Variants in CREM observed in about 807,000 individuals in gnomAD.
CREM encodes cAMP responsive element modulator.
In CREM, 13 loss-of-function variants were observed where a neutral mutation model predicts 37.3. The ratio of observed to expected loss-of-function variants is 0.35; its 90% CI spans 0.23 to 0.55. CREM has a LOEUF of 0.55. CREM is among the 20% of genes least tolerant of loss of function. The pLI, the probability that CREM is intolerant of heterozygous loss-of-function variation, is 0.88. For missense variants in CREM, 296 were observed against 362.3 expected (o/e 0.82, Z 1.49); for synonymous variants, 124 against 120.2 (o/e 1.03, Z -0.21).
chr10:35,128,968 T>A (rs2088742974), intron 1 of CREM, among the ~76,000 whole-genome samples: 1 of 152,238 alleles, frequency 6.6e-6, no homozygotes, highest in African/African-American at 2.4e-5. Context: ...AAATGCTAAG[T>A]ATTAAAACTG....
rs778868664 is a variant in CREM at position 35,211,812 on chromosome 10, A to G, written c.*414A>G. ...CCAAAACAGATTACTAGAAATATTT[A>G]ACTATGAACTGAAGGCAGCATGTAT... On this transcript the variant is annotated 3_prime_UTR_variant, in exon 8 of 8. Coordinates refer to ENST00000685392, the MANE Select transcript of CREM (RefSeq NM_183011.2). The G allele has an allele frequency of 3.3e-5, 53 of 1,598,346 alleles. No homozygotes were observed. The Admixed American group carries it at 5.8e-4, about 18-fold the overall frequency.
chr10:35,150,653 C>T (rs1339365277), intron 3 of CREM, among the ~76,000 whole-genome samples: 1 of 152,078 alleles, frequency 6.6e-6, no homozygotes, highest in Non-Finnish European at 1.5e-5. Context: ...GAAACCCTGT[C>T]TCTACTAAAA....
At chr10:35,181,397 T>C (rs1419242405) in intron 5 of CREM, among the ~76,000 whole-genome samples, 1 of 152,164 alleles carries the variant, frequency 6.6e-6, no homozygotes, top group Non-Finnish European at 1.5e-5. Flanking sequence ...AGGTGTACCA[T>C]TGTCTCATTC....
intron 3 of CREM, chr10:35,175,973 C>T: frequency 6.4e-7 from 1 of 1,551,236 alleles, no homozygotes. Flanking sequence ...ATGGGTTATT[C>T]AGTCATCAGA....
At chr10:35,211,135 T>C (rs1009886077) in intron 7 of CREM, 119 bp from the exon 8 acceptor site, 1 of 1,014,374 alleles carries the variant, frequency 9.9e-7, no homozygotes, top group Admixed American at 2.7e-5. Flanking sequence ...TATGTGGCTT[T>C]GTACAGTCCT....
intron 3 of CREM, chr10:35,148,696 C>T (rs1564817132): frequency 4.0e-6 from 2 of 499,934 alleles, no homozygotes; most frequent in East Asian, 3.6e-5. Context: ...TCTCCATTGC[C>T]ACCACCACTA....
intron 3 of CREM, among the ~76,000 whole-genome samples, chr10:35,166,918 G>A (rs899845980): frequency 6.6e-6 from 1 of 152,206 alleles, no homozygotes; most frequent in Non-Finnish European, 1.5e-5. Flanking sequence ...AAGGTGGATG[G>A]ATCACCTGAG....
chr10:35,208,101 G>A (rs985121472), intron 7 of CREM, among the ~76,000 whole-genome samples: 5 of 152,078 alleles, frequency 3.3e-5, no homozygotes, highest in Admixed American at 2.0e-4. Flanking sequence ...GTTACTTTTC[G>A]ACATTTTCTA....
rs529802118 is a variant in CREM, at chr10:35,206,904, G to A, written c.608G>A (p.Gly203Asp). Residue 203 changes from glycine (G) to aspartate (D), a missense_variant, in exon 7 of 8, where the codon GGT becomes GAT. Around this residue, in one of 2 missense-constraint regions of CREM, gnomAD observed 257 missense variants for 280.2 expected, o/e 0.92. Coordinates refer to ENST00000685392, the MANE Select transcript of CREM (RefSeq NM_183011.2). The stretch of plus-strand genomic sequence containing the variant: ...TTTTGTTTTACTGCAGCTGCCACTG[G>A]TGACATGCCAACTTACCAGATCCGA... ...GSQVVVQAAT[G>D]DMPTYQIRAP... The A allele has an allele frequency of 3.2e-5, 52 of 1,613,552 alleles. No homozygotes were observed. In the South Asian group the frequency reaches 5.5e-4, roughly 17 times the overall value.
intron 6 of CREM, among the ~76,000 whole-genome samples, chr10:35,204,202 T>G (rs1392054889): frequency 6.6e-6 from 1 of 152,250 alleles, no homozygotes; most frequent in African/African-American, 2.4e-5. Flanking sequence ...CTCAAAGCTA[T>G]ACAGTTTTGT....
intron 6 of CREM, 36 bp from the exon 7 acceptor site, chr10:35,206,859 C>A (rs972207672): frequency 6.2e-7 from 1 of 1,607,960 alleles, no homozygotes; most frequent in Admixed American, 1.7e-5. Flanking sequence ...ATTATGAATT[C>A]TTTATATAAG....
At chr10:35,137,630 G>A (rs1240312415) in intron 1 of CREM, among the ~76,000 whole-genome samples, 152 bp from the exon 2 acceptor site, 2 of 151,942 alleles carry the variant, frequency 1.3e-5, no homozygotes, top group African/African-American at 2.4e-5. Context: ...TTTTTGGTGG[G>A]GGGGAGTTAT....
At chr10:35,188,663 T>C (rs2094761467) in intron 6 of CREM, among the ~76,000 whole-genome samples, 1 of 150,926 alleles carries the variant, frequency 6.6e-6, no homozygotes, top group Non-Finnish European at 1.5e-5. Context: ...GAATGAATTT[T>C]TTTTTTTTTT....
At position 35,206,987 on chromosome 10, in the gene CREM, C is replaced by A; in HGVS notation, c.691C>A (p.His231Asn). ...VVMAASPGSL[H>N]SPQQLAEEAT... is the part of the protein sequence containing the mutation. ...GATGGCTGCATCGCCCGGAAGTTTG[C>A]ACAGTCCCCAGCAGCTGGCAGAAGA... Residue 231 changes from histidine to asparagine, a missense_variant, in exon 7 of 8, where the codon CAC (histidine) becomes AAC (asparagine). Physicochemically the swap from His to Asn is moderately conservative, Grantham distance 68. Transcript: ENST00000685392. 1 of 1,614,102 alleles carries A rather than the reference C, an allele frequency of 6.2e-7. No individual in the cohort carries two copies. Among genetic ancestry groups the A allele is most frequent in the Non-Finnish European group, 8.5e-7 (1 of 1,180,020 alleles).
At chr10:35,184,673 C>T (rs1043101796) in intron 5 of CREM, among the ~76,000 whole-genome samples, 1 of 152,000 alleles carries the variant, frequency 6.6e-6, no homozygotes, top group South Asian at 2.1e-4. Context: ...ATAATGACTT[C>T]CCCAGAAAAT....
Position 35,211,582 on chromosome 10 carries a change from G to C in CREM, c.*184G>C. The C allele has an allele frequency of 6.4e-7, 1 of 1,557,386 alleles. No homozygotes were observed. The highest frequency in any genetic ancestry group is 8.7e-7 in the Non-Finnish European group (1 of 1,148,866). On this transcript the variant is annotated 3_prime_UTR_variant, in exon 8 of 8. Transcript: ENST00000685392. Reference sequence around the variant, plus strand: ...GAATGCAGCCGTGATCACACTTACCGAGCTTACTTTGATCTGTTTGTCAAT... The same window carrying C: ...GAATGCAGCCGTGATCACACTTACCCAGCTTACTTTGATCTGTTTGTCAAT...
chr10:35,186,990 ATT>A (rs1215406052), intron 5 of CREM, among the ~76,000 whole-genome samples: 16 of 89,706 alleles, frequency 1.8e-4, no homozygotes, highest in African/African-American at 2.9e-4. Flanking sequence ...TGTGATATAT[ATT>A]ATATATTATA....
At chr10:35,166,990 A>G (rs2093586988) in intron 3 of CREM, among the ~76,000 whole-genome samples, 2 of 152,090 alleles carry the variant, frequency 1.3e-5, no homozygotes, top group Admixed American at 6.5e-5. Flanking sequence ...AAAATACAAA[A>G]ATCAGCCAGA....
At chr10:35,163,799 C>T (rs1051417894) in intron 3 of CREM, among the ~76,000 whole-genome samples, 6 of 151,550 alleles carry the variant, frequency 4.0e-5, no homozygotes, top group African/African-American at 1.5e-4. Context: ...CCAGCCTGGG[C>T]GACAAGAGTG....
Sources: allele counts gnomAD v4.1 joint callset (sites outside exome capture counted in the v4.1 genomes callset), GRCh38; gene constraint gnomAD v4.1.1; regional missense constraint gnomAD v4.1.1; transcripts MANE v1.5; gene names NCBI Gene and HGNC (gene_info 2026-07-23, HGNC 2026-07-21).